ZDHHC14: variants seen among roughly 807,000 people sequenced by gnomAD.
ZDHHC14 encodes palmitoyltransferase ZDHHC14.
ZDHHC14 carries 16 observed loss-of-function variants against 47.7 expected under a neutral mutation model. The observed-to-expected ratio is 0.34, with a 90% CI of 0.23 to 0.51. The LOEUF (loss-of-function observed/expected upper bound fraction) is 0.51, where lower values mean the gene tolerates loss of function less well. Ranked by LOEUF, ZDHHC14 falls within the 20% of genes least tolerant of loss-of-function variation. The pLI is 0.97. For synonymous variants in ZDHHC14, 293 were observed against 278.9 expected (o/e 1.05, Z -0.50); for missense variants, 515 against 662.5 (o/e 0.78, Z 2.44).
chr6:157,506,480 G>T (rs1181209306), intron 1 of ZDHHC14, among the ~76,000 whole-genome samples: 1 of 152,172 alleles, frequency 6.6e-6, no homozygotes, highest in Non-Finnish European at 1.5e-5. Context: ...ACTGTTATTT[G>T]TGCATGAGAT....
intron 1 of ZDHHC14, among the ~76,000 whole-genome samples, chr6:157,517,749 GCCTCGC>G (rs1244081484): frequency 1.3e-5 from 2 of 152,254 alleles, no homozygotes; most frequent in Non-Finnish European, 2.9e-5. Context: ...TCCCTGCCCT[GCCTCGC>G]CCTCACGGCC....
chr6:157,551,402 G>A (rs1782227388), intron 2 of ZDHHC14, among the ~76,000 whole-genome samples: 1 of 152,196 alleles, frequency 6.6e-6, no homozygotes, highest in Non-Finnish European at 1.5e-5. Context: ...GACAGGCCTG[G>A]GACCCTGGCA....
intron 8 of ZDHHC14, among the ~76,000 whole-genome samples, chr6:157,653,986 G>A (rs966706623): frequency 1.3e-5 from 2 of 152,008 alleles, no homozygotes; most frequent in African/African-American, 2.4e-5. Flanking sequence ...TTCCCTTTCC[G>A]TCCCTTGGTC....
chr6:157,615,631 C>T (rs1784934883), intron 3 of ZDHHC14, among the ~76,000 whole-genome samples: 1 of 152,202 alleles, frequency 6.6e-6, no homozygotes. Context: ...AGGCCAGGAC[C>T]CAAGTTCAAG....
rs141011412 is a variant in ZDHHC14 at position 157,429,097 on chromosome 6, G to A, written c.245+46831G>A. Among the ~76,000 whole-genome samples, 655 of 152,196 alleles carry A rather than the reference G, an allele frequency of 4.3e-3. 2 individuals are homozygous for A. The highest frequency in any genetic ancestry group is 0.015 in the African/African-American group (623 of 41,516). On this transcript the variant is annotated intron_variant, in intron 1 of 8. Transcript: ENST00000359775. ...TGGTGGGGGCGTGGGGGAAGGGAAC[G>A]GCCTAGGATCCACTAATTCTTTGAA...
intron 1 of ZDHHC14, among the ~76,000 whole-genome samples, chr6:157,418,319 A>C (rs978686277): frequency 2.3e-4 from 10 of 43,000 alleles, no homozygotes; most frequent in African/African-American, 6.7e-4. Flanking sequence ...TTAAAGCTAC[A>C]TTAAAAGTTT....
chr6:157,461,643 C>T (rs1421080972), intron 1 of ZDHHC14, among the ~76,000 whole-genome samples: 1 of 152,166 alleles, frequency 6.6e-6, no homozygotes, highest in Non-Finnish European at 1.5e-5. Context: ...GCCTCCGCCC[C>T]ACCCTGATAG....
At chr6:157,452,222 T>A (rs1200754481) in intron 1 of ZDHHC14, among the ~76,000 whole-genome samples, 2 of 147,830 alleles carry the variant, frequency 1.4e-5, no homozygotes, top group Non-Finnish European at 3.0e-5. Context: ...CCACCTACAC[T>A]CCTAATTTCC....
intron 1 of ZDHHC14, among the ~76,000 whole-genome samples, chr6:157,455,803 T>C (rs1778899179): frequency 6.6e-6 from 1 of 152,242 alleles, no homozygotes; most frequent in South Asian, 2.1e-4. Context: ...CACAGCATTT[T>C]CTCTCAGATA....
intron 5 of ZDHHC14, among the ~76,000 whole-genome samples, chr6:157,641,918 A>G (rs1371536835): frequency 6.6e-6 from 1 of 152,124 alleles, no homozygotes; most frequent in Non-Finnish European, 1.5e-5. Context: ...TCCACTTACT[A>G]TTTCATTATT....
intron 7 of ZDHHC14, 151 bp downstream of exon 7, chr6:157,647,519 T>G: frequency 1.8e-6 from 1 of 557,698 alleles, no homozygotes; most frequent in Non-Finnish European, 3.2e-6. Flanking sequence ...GAAATCGAGA[T>G]CTGGCTGTTT....
intron 2 of ZDHHC14, among the ~76,000 whole-genome samples, chr6:157,590,200 T>A (rs1783855318): frequency 6.6e-6 from 1 of 152,200 alleles, no homozygotes. Context: ...AAACCCATTT[T>A]CTGGGGAGAA....
At chr6:157,419,889 T>A (rs1413171558) in intron 1 of ZDHHC14, among the ~76,000 whole-genome samples, 1 of 152,218 alleles carries the variant, frequency 6.6e-6, no homozygotes, top group Non-Finnish European at 1.5e-5. Context: ...GGCTACACCA[T>A]TTTTCATTTC....
chr6:157,508,843 TCTAA>T (rs752566299), intron 1 of ZDHHC14, among the ~76,000 whole-genome samples: 101 of 152,398 alleles, frequency 6.6e-4, no homozygotes, highest in Admixed American at 1.8e-3. Context: ...CTTCTTGTTC[TCTAA>T]CTGTTCTTTT....
intron 1 of ZDHHC14, among the ~76,000 whole-genome samples, chr6:157,536,819 C>CTTT (rs768063106): frequency 1.0e-5 from 1 of 97,998 alleles, no homozygotes; most frequent in Non-Finnish European, 1.9e-5. Flanking sequence ...CTCCATCTAT[C>CTTT]TTTTTTTTTT....
intron 2 of ZDHHC14, among the ~76,000 whole-genome samples, chr6:157,556,404 A>G (rs1782466248): frequency 6.6e-6 from 1 of 152,162 alleles, no homozygotes; most frequent in African/African-American, 2.4e-5. Flanking sequence ...AGCTGGAAAA[A>G]CTGAGGCACG....
chr6:157,573,376 G>A (rs866306005), intron 2 of ZDHHC14, among the ~76,000 whole-genome samples: 1 of 152,164 alleles, frequency 6.6e-6, no homozygotes, highest in Non-Finnish European at 1.5e-5. Context: ...GGCCTTTCAT[G>A]TCCTGCTCAC....
chr6:157,648,890 T>TC (rs2114985707), intron 7 of ZDHHC14, among the ~76,000 whole-genome samples: 1 of 152,296 alleles, frequency 6.6e-6, no homozygotes, highest in East Asian at 1.9e-4. Context: ...CTGGCCTCTT[T>TC]CCCCCACCTG....
intron 1 of ZDHHC14, among the ~76,000 whole-genome samples, chr6:157,405,501 G>C (rs112322721): frequency 1.0e-3 from 159 of 152,162 alleles, no homozygotes; most frequent in African/African-American, 3.7e-3. Context: ...CAAAGTGCTG[G>C]GATTACAGGC....
Sources: gnomAD v4.1 joint callset for allele counts (sites outside exome capture counted in the v4.1 genomes callset) on GRCh38, gnomAD v4.1.1 for gene constraint, MANE v1.5 for transcripts, NCBI Gene and HGNC (gene_info 2026-07-23, HGNC 2026-07-21) for gene names.